KRT13: variants seen among roughly 807,000 people sequenced by gnomAD.
The protein encoded by KRT13 is keratin 13.
In KRT13, 27 loss-of-function variants were observed where a neutral mutation model predicts 40.6. That is an observed-to-expected ratio of 0.67 (90% CI 0.49 to 0.92). The LOEUF (loss-of-function observed/expected upper bound fraction) is 0.92, where lower values mean the gene tolerates loss of function less well. Among genes scored for constraint, KRT13 ranks in the 40% least tolerant of loss-of-function variants. KRT13 has a pLI of 0.00. For synonymous variants in KRT13, 266 were observed against 240.3 expected, an observed-to-expected ratio of 1.11 and a Z score of -0.99; for missense variants, 605 against 611.5, an observed-to-expected ratio of 0.99 and a Z score of 0.11.
intron 6 of KRT13, 176 bp from the exon 7 acceptor site, chr17:41,501,920 C>G (rs1044200755): frequency 6.7e-7 from 1 of 1,485,232 alleles, no homozygotes; most frequent in African/African-American, 1.4e-5. Flanking sequence ...CTGGGACTGT[C>G]TGTCTTTCCT....
At chr17:41,502,353 A>C in intron 6 of KRT13, 21 bp downstream of exon 6, 1 of 1,613,898 alleles carries the variant, frequency 6.2e-7, no homozygotes, top group Non-Finnish European at 8.5e-7. Flanking sequence ...TATCCTAAGA[A>C]AGAGGCTGGA....
chr17:41,501,962 T>C, intron 6 of KRT13: 1 of 1,440,462 alleles, frequency 6.9e-7, no homozygotes, highest in Non-Finnish European at 9.1e-7. Context: ...CAAGGGGAGA[T>C]ATTATTAGCC....
In KRT13 at chr17:41,503,717, G is replaced by T. The variant is rs778359491; in HGVS notation, c.504C>A (p.Thr168=). The change falls in exon 2 of 8, where the codon ACC becomes ACA. Residue 168 remains threonine, a synonymous_variant. Transcript: ENST00000246635. The part of the protein sequence containing the change: ...TIEELRDKIL[T]ATIENNRVIL... ...TGACCCGGTTGTTTTCAATGGTGGC[G>T]GTCAGGATCTACAAAATGCAGAAGA... 2 of 1,613,956 alleles carry T rather than the reference G, an allele frequency of 1.2e-6. No homozygotes were observed. Among genetic ancestry groups the T allele is most frequent in the Non-Finnish European group, 1.7e-6 (2 of 1,179,906 alleles).
intron 6 of KRT13, 96 bp from the exon 7 acceptor site, chr17:41,501,840 G>T: frequency 1.3e-6 from 2 of 1,551,324 alleles, no homozygotes; most frequent in East Asian, 2.4e-5. Flanking sequence ...ATCATTTCAA[G>T]CCCCTGGGCT....
At chr17:41,502,006 C>G in intron 6 of KRT13, 1 of 1,419,926 alleles carries the variant, frequency 7.0e-7, no homozygotes, top group Non-Finnish European at 9.2e-7. Context: ...CCCTCTGGAT[C>G]GCCCAAACCC....
At chr17:41,502,665 G>A (rs373085505) in intron 5 of KRT13, 22 bp downstream of exon 5, 102 of 1,613,518 alleles carry the variant, frequency 6.3e-5, no homozygotes, top group Non-Finnish European at 7.9e-5. Context: ...GGTCGCCACC[G>A]GGCAGGAGGC....
At chr17:41,504,759 G>A (rs1905000030) in intron 1 of KRT13, among the ~76,000 whole-genome samples, 3 of 152,192 alleles carry the variant, frequency 2.0e-5, no homozygotes, top group Non-Finnish European at 2.9e-5. Flanking sequence ...AGATAACTCA[G>A]TAGGTTAGGA....
At position 41,501,064 on chromosome 17, in the gene KRT13, CAG is replaced by C; in HGVS notation, c.*190_*191del. 1.9e-6 allele frequency: 1 copy of C among 529,276 alleles called. No homozygotes were observed. The allele number at this position is 529,276 out of a possible 1,614,324, so 32.8% of individuals were successfully genotyped here. ...TTGAGAAACCAAAGCGTATCCAGGT[CAG>C]AGAGGAGAGAGATCCGACCGGAAGA... On this transcript the variant is annotated 3_prime_UTR_variant, in exon 8 of 8. Coordinates refer to ENST00000246635, the MANE Select transcript of KRT13 (RefSeq NM_153490.3).
rs754948802 is a variant in KRT13 at position 41,503,346 on chromosome 17, C to A, written c.676G>T (p.Glu226Ter). ...DELTLSKTDLEMQIESLNEEL... is the reference protein window; with the variant it reads ...DELTLSKTDL ...TCATTCAGGCTCTCGATCTGCATCT[C>A]CAGGTCAGTCTTAGACAGAGTGAGC... The change falls in exon 3 of 8, where the codon GAG (glutamate) becomes TAG (stop). Residue 226 changes from glutamate (E) to a stop codon, truncating the protein, a stop_gained. Coordinates refer to ENST00000246635, the MANE Select transcript of KRT13 (RefSeq NM_153490.3). LOFTEE classifies it high-confidence loss of function. The A allele has an allele frequency of 8.7e-6, 14 of 1,614,146 alleles. No homozygotes were observed. The Admixed American group carries it at 1.3e-4, about 15-fold the overall frequency.
Position 41,502,668 on chromosome 17 carries a change from C to T in KRT13, c.1023+19G>A. 1.2e-6 allele frequency: 2 copies of T among 1,613,594 alleles called. No homozygotes were observed. Among genetic ancestry groups the T allele is most frequent in the Non-Finnish European group, 1.7e-6 (2 of 1,180,034 alleles). On this transcript the variant is annotated intron_variant, in intron 5 of 7. Coordinates refer to ENST00000246635, the MANE Select transcript of KRT13 (RefSeq NM_153490.3). The stretch of plus-strand genomic sequence containing the variant: ...AAACCTAGAGGTGGTCGCCACCGGG[C>T]AGGAGGCTGCAGGCATACCATGCTC...
Position 41,501,612 on chromosome 17 carries a change from A to G in KRT13, c.1270+107T>C, listed in dbSNP as rs2144501990. The G allele has an allele frequency of 3.9e-6, 6 of 1,533,724 alleles. No individual in the cohort carries two copies. The South Asian group carries it at 7.2e-5, about 18-fold the overall frequency. ...CCAGCTCTCCCCCTCCCTACACTGG[A>G]GAGCCCAGCACTGGCTCCCTCCCTC... is the stretch of plus-strand genomic sequence containing the variant. On this transcript the variant is annotated intron_variant, in intron 7 of 7. Coordinates refer to ENST00000246635, the MANE Select transcript of KRT13 (RefSeq NM_153490.3).
In KRT13 at chr17:41,501,117, GGA is replaced by G; in HGVS notation, c.*137_*138del. On this transcript the variant is annotated 3_prime_UTR_variant, in exon 8 of 8. Coordinates refer to ENST00000246635, the MANE Select transcript of KRT13 (RefSeq NM_153490.3). ...GAAGAGCACAGAGGGCCCACCATCA[GGA>G]GAGAGTCAGGACAGGGGGTCCTGAG... 1 of 654,116 alleles carries G rather than the reference GGA, an allele frequency of 1.5e-6. No homozygotes were observed. The highest frequency in any genetic ancestry group is 3.0e-5 in the East Asian group (1 of 33,724). 40.5% of individuals were successfully genotyped at this position (654,116 alleles called of 1,614,324 possible).
In KRT13 at chr17:41,505,595, G is replaced by T. The variant is rs367712050; in HGVS notation, c.-45C>A. ...GCAGGTGCAGATAGAAGCTTGCTTG[G>T]CCTGGGCCGAGGACTGTGGCTCTTC... On this transcript the variant is annotated 5_prime_UTR_variant, in exon 1 of 8. Transcript: ENST00000246635. 108 of 1,612,086 alleles carry T rather than the reference G, an allele frequency of 6.7e-5. No homozygotes were observed. The highest frequency in any genetic ancestry group is 6.9e-5 in the Non-Finnish European group (81 of 1,179,926).
In KRT13 at chr17:41,502,968, C is replaced by T. The variant is rs148399399; in HGVS notation, c.866G>A (p.Arg289His). 1.7e-4 allele frequency: 280 copies of T among 1,614,194 alleles called. No homozygotes were observed. The South Asian group carries it at 2.1e-3, about 12-fold the overall frequency. ...EQYEAMAERN[R>H]RDAEEWFHTK... ...GTGGAACCATTCCTCAGCATCCCGG[C>T]GGTTCCTCTCTGCCATGGCCTCGTA... The change falls in exon 4 of 8, where the codon CGC (arginine) becomes CAC (histidine). Residue 289 changes from arginine to histidine, a missense_variant. By Grantham distance (29) the Arg-to-His change is conservative (BLOSUM62 0). Transcript: ENST00000246635.
At chr17:41,503,769 A>T in intron 1 of KRT13, 44 bp from the exon 2 acceptor site, 1 of 1,505,116 alleles carries the variant, frequency 6.6e-7, no homozygotes, top group South Asian at 1.1e-5. Context: ...ATGGGTGTCC[A>T]GTCTGTTGGC....
chr17:41,501,100 C>G lies in KRT13; in HGVS notation c.*156G>C. 1.6e-6 allele frequency: 1 copy of G among 619,428 alleles called. No homozygotes were observed. The highest frequency in any genetic ancestry group is 3.0e-6 in the Non-Finnish European group (1 of 333,112). The allele number at this position is 619,428 out of a possible 1,614,324, so 38.4% of individuals were successfully genotyped here. ...GAGATCCGACCGGAAGAGAAGAGCA[C>G]AGAGGGCCCACCATCAGGAGAGAGT... On this transcript the variant is annotated 3_prime_UTR_variant, in exon 8 of 8. Transcript: ENST00000246635.
chr17:41,502,858 C>G (rs781372161), intron 4 of KRT13, 46 bp from the exon 5 acceptor site: 11 of 1,614,190 alleles, frequency 6.8e-6, no homozygotes, highest in Non-Finnish European at 9.3e-6. Flanking sequence ...TCAGCTCGAG[C>G]AGCCTGACCA....
chr17:41,504,015 G>A, intron 1 of KRT13: 1 of 422,542 alleles, frequency 2.4e-6, no homozygotes, highest in South Asian at 2.2e-5. Flanking sequence ...CGTGCTTGAG[G>A]AGGTGGCCTG....
intron 6 of KRT13, 148 bp from the exon 7 acceptor site, chr17:41,501,892 A>G: frequency 6.6e-7 from 1 of 1,525,344 alleles, no homozygotes; most frequent in East Asian, 2.5e-5. Flanking sequence ...CTCAAGGGAC[A>G]GCAGCATCAG....
Sources: gnomAD v4.1 joint callset for allele counts (sites outside exome capture counted in the v4.1 genomes callset) on GRCh38, gnomAD v4.1.1 for gene constraint, MANE v1.5 for transcripts, NCBI Gene and HGNC (gene_info 2026-07-23, HGNC 2026-07-21) for gene names.